LRRC39: variants seen among roughly 807,000 people sequenced by gnomAD.
The protein encoded by LRRC39 is leucine rich repeat containing 39.
LRRC39 carries 35 observed loss-of-function variants against 39.7 expected under a neutral mutation model. That is an observed-to-expected ratio of 0.88 (90% CI 0.67 to 1.17). The LOEUF (loss-of-function observed/expected upper bound fraction) is 1.17. Among genes scored for constraint, LRRC39 ranks in the 50% most tolerant of loss-of-function variants. The probability of loss-of-function intolerance (pLI) is 0.00; values close to 1 mark genes in which losing one functional copy is unlikely to be tolerated. For missense variants in LRRC39, 357 were observed against 385.8 expected, an observed-to-expected ratio of 0.93 and a Z score of 0.62; for synonymous variants, 113 against 134.1, an observed-to-expected ratio of 0.84 and a Z score of 1.09.
chr1:100,155,132 A>T lies in LRRC39; in HGVS notation c.731T>A (p.Met244Lys), dbSNP rs748153181. The T allele has an allele frequency of 6.2e-7, 1 of 1,610,900 alleles. No homozygotes were observed. The highest frequency in any genetic ancestry group is 1.3e-5 in the African/African-American group (1 of 74,862). ...GAGAACAAGAGTACCCAGATTTTTC[A>T]TATTGCTGATTGTTTGAGGCAAGCA... ...ITCLPQTISN[M>K]KNLGTLVLSN... The change falls in exon 8 of 10, where the codon ATG becomes AAG. Residue 244 changes from methionine to lysine, a missense_variant. Coordinates refer to ENST00000370137, the MANE Select transcript of LRRC39 (RefSeq NM_144620.4).
In LRRC39 at chr1:100,158,856, G is replaced by GAAAAAAA. The variant is rs59271444; in HGVS notation, c.376+396_376+402dup. ...AGGGACAAGTTTATCCGTGCAATAG[G>GAAAAAAA]AAAAAAAAAAAAATCGAAAACTATT... On this transcript the variant is annotated intron_variant, in intron 5 of 9. Transcript: ENST00000370137. Among the ~76,000 whole-genome samples, 1,136 of 141,096 alleles carry GAAAAAAA rather than the reference G, an allele frequency of 8.1e-3. 8 individuals are homozygous for GAAAAAAA. The highest frequency in any genetic ancestry group is 0.013 in the Non-Finnish European group (834 of 64,362). 92.6% of individuals were successfully genotyped at this position (141,096 alleles called of 152,430 possible). A position where few individuals can be genotyped will look rare whatever the true frequency, so the allele number is the denominator to read the frequency against.
intron 8 of LRRC39, among the ~76,000 whole-genome samples, chr1:100,154,143 A>T (rs1266318778): frequency 1.3e-5 from 2 of 152,192 alleles, no homozygotes; most frequent in African/African-American, 4.8e-5. Context: ...CCAAAGAATT[A>T]AAATGCAAGC....
chr1:100,152,282 G>C, intron 9 of LRRC39, 103 bp downstream of exon 9: 2 of 1,175,088 alleles, frequency 1.7e-6, no homozygotes, highest in Non-Finnish European at 2.3e-6. Flanking sequence ...ACTTAAGATG[G>C]AATGAGAAAT....
chr1:100,158,893 T>C (rs191185099), intron 5 of LRRC39, among the ~76,000 whole-genome samples: 18 of 152,304 alleles, frequency 1.2e-4, no homozygotes, highest in African/African-American at 4.1e-4. Flanking sequence ...TCATTTTGTC[T>C]ACACAAAATC....
chr1:100,158,419 T>C (rs771537603), intron 5 of LRRC39, 52 bp from the exon 6 acceptor site: 28 of 1,536,040 alleles, frequency 1.8e-5, no homozygotes, highest in Admixed American at 9.2e-5. Context: ...ATAATCTTTA[T>C]AGTTATTAAG....
chr1:100,179,526 A>C (rs969789157), upstream of LRRC39, among the ~76,000 whole-genome samples: 3 of 149,314 alleles, frequency 2.0e-5, no homozygotes, highest in African/African-American at 7.4e-5. Flanking sequence ...AAAAAAAATT[A>C]AAGTAGCCAG....
chr1:100,151,126 C>CAAAA (rs772782982), intron 9 of LRRC39, among the ~76,000 whole-genome samples: 13 of 43,618 alleles, frequency 3.0e-4, no homozygotes, highest in African/African-American at 6.3e-4. Context: ...AGAAACTCCT[C>CAAAA]AAAAAAAAAA....
intron 9 of LRRC39, among the ~76,000 whole-genome samples, chr1:100,152,102 A>G (rs993107909): frequency 6.6e-6 from 1 of 152,218 alleles, no homozygotes; most frequent in Admixed American, 6.5e-5. Flanking sequence ...ATGAGGTAGC[A>G]AAGCTTTAAG....
In LRRC39 at chr1:100,166,022, G is replaced by C. The variant is rs541409726; in HGVS notation, c.113+2382C>G. ...CCCATGTAGCTGGGATTACAGGCGT[G>C]AGCCACCATGTCTGGCTGAGGATTC... On this transcript the variant is annotated intron_variant, in intron 3 of 9. Transcript: ENST00000370137. Among the ~76,000 whole-genome samples, 192 of 151,828 alleles carry C rather than the reference G, an allele frequency of 1.3e-3. 1 individual carries two copies. Among genetic ancestry groups the C allele is most frequent in the African/African-American group, 4.6e-3 (188 of 41,266 alleles).
At chr1:100,151,339 T>C (rs150159034) in intron 9 of LRRC39, among the ~76,000 whole-genome samples, 1,612 of 152,224 alleles carry the variant, frequency 0.011, 19 homozygotes, top group Middle Eastern at 0.027. Context: ...ATTGTCTTTA[T>C]ATATTCTCTG....
At chr1:100,172,035 G>A (rs1364825149) in intron 2 of LRRC39, among the ~76,000 whole-genome samples, 1 of 151,910 alleles carries the variant, frequency 6.6e-6, no homozygotes, top group African/African-American at 2.4e-5. Flanking sequence ...ACAGAAGAAA[G>A]GGAATATTAT....
chr1:100,163,958 A>AGC (rs1659057851), intron 3 of LRRC39, among the ~76,000 whole-genome samples: 1 of 152,152 alleles, frequency 6.6e-6, no homozygotes, highest in Non-Finnish European at 1.5e-5. Flanking sequence ...CTGTAATCCC[A>AGC]GCTACTCAGG....
rs1659669389 is a variant in LRRC39, at chr1:100,172,311, C to T, written c.-79+1020G>A. Among the ~76,000 whole-genome samples, 4 of 152,308 alleles carry T rather than the reference C, an allele frequency of 2.6e-5. No individual in the cohort carries two copies. In the South Asian group the frequency reaches 8.3e-4, roughly 32 times the overall value. The stretch of plus-strand genomic sequence containing the variant: ...AATGGTAATTCTAGAAAGAAAAATA[C>T]AGACTAATCTCACTAACAAATATAT... On this transcript the variant is annotated intron_variant, in intron 2 of 9. Transcript: ENST00000370137.
In LRRC39 at chr1:100,176,264, T is replaced by TA. The variant is rs533044509; in HGVS notation, c.-119+1870dup. Among the ~76,000 whole-genome samples, 6 of 152,144 alleles carry TA rather than the reference T, an allele frequency of 3.9e-5. No individual in the cohort carries two copies. The South Asian group carries it at 8.3e-4, about 21-fold the overall frequency. ...CAACATGGTGAAACCCCGTCTCTAC[T>TA]AAAAAAACATAAAATTAGCCAGGCG... is the stretch of plus-strand genomic sequence containing the variant. On this transcript the variant is annotated intron_variant, in intron 1 of 9. Transcript: ENST00000370137.
In LRRC39 at chr1:100,174,491, G is replaced by GT. The variant is rs1659834581; in HGVS notation, c.-118-1122dup. ...TTATGTATTTTTCTGTAGAGATGGG[G>GT]TTTTACCATGTTGCCCAGGCTGATC... On this transcript the variant is annotated intron_variant, in intron 1 of 9. Transcript: ENST00000370137. Among the ~76,000 whole-genome samples the GT allele has an allele frequency of 2.6e-5, 4 of 151,754 alleles. No homozygotes were observed. The South Asian group carries it at 8.3e-4, about 32-fold the overall frequency.
At chr1:100,154,907 A>T in intron 8 of LRRC39, 144 bp downstream of exon 8, 1 of 674,854 alleles carries the variant, frequency 1.5e-6, no homozygotes, top group Non-Finnish European at 2.3e-6. Flanking sequence ...CAAATTATAG[A>T]ATGTCAACAT....
At chr1:100,152,637 C>T (rs1201452334) in intron 8 of LRRC39, 113 bp from the exon 9 acceptor site, 1 of 1,109,316 alleles carries the variant, frequency 9.0e-7, no homozygotes, top group East Asian at 2.6e-5. Flanking sequence ...TAACTGGTTT[C>T]AATAACTGAA....
chr1:100,152,712 C>T (rs1658145092), intron 8 of LRRC39, among the ~76,000 whole-genome samples, 188 bp from the exon 9 acceptor site: 1 of 152,034 alleles, frequency 6.6e-6, no homozygotes, highest in Admixed American at 6.5e-5. Flanking sequence ...AAAAAAAACA[C>T]TAGCTTTAGA....
chr1:100,179,220 A>G (rs1241844812), upstream of LRRC39, among the ~76,000 whole-genome samples: 1 of 152,190 alleles, frequency 6.6e-6, no homozygotes, highest in Non-Finnish European at 1.5e-5. Flanking sequence ...TCTCACAGAA[A>G]TTCTCCAACA....
Sources: gnomAD v4.1 joint callset for allele counts (sites outside exome capture counted in the v4.1 genomes callset) on GRCh38, gnomAD v4.1.1 for gene constraint, MANE v1.5 for transcripts, NCBI Gene and HGNC (gene_info 2026-07-23, HGNC 2026-07-21) for gene names.